Variants in HEATR3 observed in about 807,000 individuals in gnomAD.
HEATR3 encodes HEAT repeat containing 3, also known as HEAT repeat-containing protein 3.
In HEATR3, 56 loss-of-function variants were observed where a neutral mutation model predicts 72.8. The ratio of observed to expected loss-of-function variants is 0.77; its 90% CI spans 0.62 to 0.96. The LOEUF (loss-of-function observed/expected upper bound fraction) is 0.96. Among genes scored for constraint, HEATR3 ranks in the 40% least tolerant of loss-of-function variants. The probability of loss-of-function intolerance (pLI) is 0.00; values close to 1 mark genes in which losing one functional copy is unlikely to be tolerated. For synonymous variants in HEATR3, 331 were observed against 318.1 expected (o/e 1.04, Z -0.43); for missense variants, 747 against 831.4 (o/e 0.90, Z 1.25).
Position 50,072,665 on chromosome 16 carries a change from A to C in HEATR3, c.573A>C (p.Leu191Phe), listed in dbSNP as rs776511827. The C allele has an allele frequency of 2.5e-6, 4 of 1,609,522 alleles. No homozygotes were observed. Among genetic ancestry groups the C allele is most frequent in the Non-Finnish European group, 2.6e-6 (3 of 1,175,836 alleles). ...AAGAAGGGTGTTTGGAGATTGTGTTAAAGTATTTAAGTAGGTTTCCTACCA... is the reference window on the plus strand; with the variant it reads ...AAGAAGGGTGTTTGGAGATTGTGTTCAAGTATTTAAGTAGGTTTCCTACCA... ...FNKEGCLEIVLKYLSRFPTNV... is the reference protein window; with the variant it reads ...FNKEGCLEIVFKYLSRFPTNV... Residue 191 changes from leucine (L) to phenylalanine (F), a missense_variant, in exon 5 of 15, where the codon TTA becomes TTC. Leu to Phe is a conservative substitution (Grantham distance 22). This residue lies in a region of HEATR3 where 586 missense variants were observed against 708.8 expected (regional missense o/e 0.83). Coordinates refer to ENST00000299192, the MANE Select transcript of HEATR3 (RefSeq NM_182922.4).
chr16:50,066,327 GC>G (rs767675940), intron 1 of HEATR3, 39 bp from the exon 2 acceptor site: 29 of 1,562,862 alleles, frequency 1.9e-5, no homozygotes, highest in Non-Finnish European at 2.4e-5. Flanking sequence ...GCGCGCGTGC[GC>G]ATTGCGCGCC....
chr16:50,100,802 A>G (rs576535392), intron 13 of HEATR3: 2 of 205,102 alleles, frequency 9.8e-6, no homozygotes, highest in East Asian at 3.5e-4. Flanking sequence ...ATTAATTCTA[A>G]TACCACTCCA....
In HEATR3 at chr16:50,075,615, A is replaced by G; in HGVS notation, c.667A>G (p.Lys223Glu). The G allele has an allele frequency of 6.2e-7, 1 of 1,613,550 alleles. No individual in the cohort carries two copies. Among genetic ancestry groups the G allele is most frequent in the East Asian group, 2.2e-5 (1 of 44,876 alleles). ...TVTEDNPELLKSFSATALNML... is the reference protein window; with the variant it reads ...TVTEDNPELLESFSATALNML... ...GACTGAGGATAACCCAGAGCTGCTGAAGTCTTTCAGTGCTACAGCATTGAA... is the reference window on the plus strand; with the variant it reads ...GACTGAGGATAACCCAGAGCTGCTGGAGTCTTTCAGTGCTACAGCATTGAA... The change falls in exon 6 of 15, where the codon AAG becomes GAG. Residue 223 changes from lysine to glutamate, a missense_variant. Lys to Glu is a moderately conservative substitution (Grantham distance 56). This residue lies in a region of HEATR3 where 586 missense variants were observed against 708.8 expected (regional missense o/e 0.83). Transcript: ENST00000299192.
intron 4 of HEATR3, among the ~76,000 whole-genome samples, chr16:50,070,668 C>G (rs542783614): frequency 6.6e-6 from 1 of 152,132 alleles, no homozygotes; most frequent in East Asian, 1.9e-4. Context: ...TGCCACTGCA[C>G]TCCAGCCTGG....
chr16:50,082,109 G>C (rs1014362924), intron 7 of HEATR3, among the ~76,000 whole-genome samples: 1 of 152,112 alleles, frequency 6.6e-6, no homozygotes, highest in African/African-American at 2.4e-5. Context: ...GGGGAGGCCA[G>C]GGTGGGTGGA....
intron 7 of HEATR3, among the ~76,000 whole-genome samples, chr16:50,082,351 A>T (rs568165796): frequency 1.3e-5 from 2 of 152,262 alleles, no homozygotes; most frequent in South Asian, 4.1e-4. Flanking sequence ...TCCAAAAAAA[A>T]AGAATAAAAA....
At position 50,105,365 on chromosome 16, in the gene HEATR3, G is replaced by A; in HGVS notation, c.*304G>A. On this transcript the variant is annotated 3_prime_UTR_variant, in exon 15 of 15. Coordinates refer to ENST00000299192, the MANE Select transcript of HEATR3 (RefSeq NM_182922.4). ...TGATCCCAGCTACTCGGGAGGCTGA[G>A]GGAGGAGAGTCGGTTGAACCTGGGA... The A allele has an allele frequency of 3.4e-6, 1 of 297,754 alleles. No homozygotes were observed. The highest frequency in any genetic ancestry group is 6.4e-6 in the Non-Finnish European group (1 of 157,444). The allele number at this position is 297,754 out of a possible 1,614,324, so 18.4% of individuals were successfully genotyped here. A position where few individuals can be genotyped will look rare whatever the true frequency, so the allele number is the denominator to read the frequency against.
chr16:50,071,814 TACA>T (rs1225933107), intron 4 of HEATR3, among the ~76,000 whole-genome samples: 8 of 152,222 alleles, frequency 5.3e-5, no homozygotes, highest in Admixed American at 5.2e-4. Context: ...AGGAAACATG[TACA>T]ACATGGATAT....
chr16:50,094,827 T>G (rs369992963), intron 12 of HEATR3, 34 bp downstream of exon 12: 2 of 1,383,644 alleles, frequency 1.4e-6, no homozygotes. Context: ...ATGAAACTTG[T>G]AAAGATTGTG....
intron 12 of HEATR3, among the ~76,000 whole-genome samples, chr16:50,096,983 A>T (rs903672085): frequency 3.9e-5 from 6 of 152,176 alleles, no homozygotes; most frequent in African/African-American, 1.4e-4. Context: ...TCATGATGGC[A>T]TCGTTCAGCA....
chr16:50,088,109 A>G (rs2037028037), intron 11 of HEATR3, among the ~76,000 whole-genome samples: 1 of 152,166 alleles, frequency 6.6e-6, no homozygotes, highest in Non-Finnish European at 1.5e-5. Flanking sequence ...CCTGGGCAAC[A>G]AGAGTGAAAC....
chr16:50,090,706 G>A (rs1567441053), intron 11 of HEATR3, among the ~76,000 whole-genome samples: 2 of 151,988 alleles, frequency 1.3e-5, no homozygotes, highest in South Asian at 2.1e-4. Context: ...TCTGTCATTC[G>A]GCTCTATTAC....
intron 14 of HEATR3, among the ~76,000 whole-genome samples, chr16:50,102,748 CA>C (rs1332742738): frequency 1.3e-4 from 20 of 152,050 alleles, no homozygotes; most frequent in African/African-American, 4.8e-4. Flanking sequence ...ACACATTTTG[CA>C]TTTATTTAAT....
chr16:50,069,771 C>A (rs751983473), intron 3 of HEATR3, among the ~76,000 whole-genome samples: 1 of 152,212 alleles, frequency 6.6e-6, no homozygotes, highest in Non-Finnish European at 1.5e-5. Context: ...AGCTTCACCA[C>A]ATGCTAATCT....
rs751039731 is a variant in HEATR3 at position 50,102,447 on chromosome 16, T to C, written c.1920+12T>C. The C allele has an allele frequency of 1.2e-6, 2 of 1,611,760 alleles. No homozygotes were observed. The highest frequency in any genetic ancestry group is 8.5e-7 in the Non-Finnish European group (1 of 1,178,798). ...TCTTTAAAATGAAGGTTTGTAGCCATTTAACTTATAAATACATAAGTCTGA... is the reference window on the plus strand; with the variant it reads ...TCTTTAAAATGAAGGTTTGTAGCCACTTAACTTATAAATACATAAGTCTGA... On this transcript the variant is annotated intron_variant, in intron 14 of 14. Coordinates refer to ENST00000299192, the MANE Select transcript of HEATR3 (RefSeq NM_182922.4).
intron 5 of HEATR3, chr16:50,073,854 A>G (rs1033771488): frequency 2.0e-5 from 3 of 152,202 alleles, no homozygotes; most frequent in African/African-American, 7.2e-5. Context: ...TTCCTTCTCC[A>G]TGTAGCTAGA....
intron 8 of HEATR3, 52 bp from the exon 9 acceptor site, chr16:50,084,082 C>G (rs75634242): frequency 6.2e-7 from 1 of 1,613,704 alleles, no homozygotes; most frequent in Non-Finnish European, 8.5e-7. Flanking sequence ...GGGAAACTCC[C>G]GTGGAGATTT....
chr16:50,095,332 C>G (rs535532227), intron 12 of HEATR3, among the ~76,000 whole-genome samples: 1 of 151,390 alleles, frequency 6.6e-6, no homozygotes, highest in Admixed American at 6.6e-5. Flanking sequence ...GTCTTAAATG[C>G]CTGACCTCAA....
chr16:50,099,198 G>A (rs2037312668), intron 12 of HEATR3, among the ~76,000 whole-genome samples: 3 of 152,114 alleles, frequency 2.0e-5, no homozygotes, highest in Admixed American at 2.0e-4. Context: ...GGATGGACCA[G>A]AAAACCTTAT....
Sources: allele counts gnomAD v4.1 joint callset (sites outside exome capture counted in the v4.1 genomes callset), GRCh38; gene constraint gnomAD v4.1.1; regional missense constraint gnomAD v4.1.1; transcripts MANE v1.5; gene names NCBI Gene and HGNC (gene_info 2026-07-23, HGNC 2026-07-21).